Variants in IFT74 observed in about 807,000 individuals in gnomAD.
IFT74 encodes the protein intraflagellar transport protein 74 homolog.
A neutral mutation model predicts 96.7 loss-of-function variants in IFT74; 92 were observed. That is an observed-to-expected ratio of 0.95 (90% CI 0.80 to 1.13). IFT74 has a LOEUF of 1.13. Among genes scored for constraint, IFT74 ranks in the 50% most tolerant of loss-of-function variants. The pLI, the probability that IFT74 is intolerant of heterozygous loss-of-function variation, is 0.00. For missense variants in IFT74, 811 were observed against 698.2 expected, an observed-to-expected ratio of 1.16 and a Z score of -1.82; for synonymous variants, 223 against 213.2, an observed-to-expected ratio of 1.05 and a Z score of -0.40.
chr9:27,016,773 C>A (rs1829361849), intron 10 of IFT74, 134 bp from the exon 11 acceptor site: 2 of 584,386 alleles, frequency 3.4e-6, no homozygotes, highest in South Asian at 5.5e-5. Flanking sequence ...TTATTGAGTA[C>A]TAATGATATT....
intron 10 of IFT74, among the ~76,000 whole-genome samples, chr9:27,013,073 A>C (rs1385233711): frequency 1.3e-5 from 2 of 152,246 alleles, no homozygotes; most frequent in East Asian, 1.9e-4. Flanking sequence ...GACATTTATC[A>C]AGTGCTTACT....
rs140857287 is a variant in IFT74 at position 26,975,742 on chromosome 9, C to T, written c.121-2386C>T. The stretch of plus-strand genomic sequence containing the variant: ...ACTGAGGCTCTGAGGCTCAATCCCT[C>T]ATATTAGAGATTTCTTGCCTATCGA... On this transcript the variant is annotated intron_variant, in intron 2 of 19. Transcript: ENST00000380062. Among the ~76,000 whole-genome samples the T allele has an allele frequency of 2.0e-5, 3 of 152,302 alleles. No individual in the cohort carries two copies. The East Asian group carries it at 5.8e-4, about 29-fold the overall frequency.
intron 12 of IFT74, among the ~76,000 whole-genome samples, chr9:27,022,816 T>C (rs983318028): frequency 6.6e-6 from 1 of 152,088 alleles, no homozygotes; most frequent in African/African-American, 2.4e-5. Flanking sequence ...TACTTTTTTG[T>C]ATTTTTAGTA....
chr9:26,987,689 G>A (rs532204357), intron 6 of IFT74, among the ~76,000 whole-genome samples: 55 of 152,158 alleles, frequency 3.6e-4, no homozygotes, highest in Non-Finnish European at 6.3e-4. Flanking sequence ...TGGCTCTATC[G>A]CTTGCTAAAT....
rs1431667314 is a variant in IFT74, at chr9:26,967,978, A to C, written c.120+5891A>C. On this transcript the variant is annotated intron_variant, in intron 2 of 19. Transcript: ENST00000380062. ...ATCTTTTTAATGTGTTGTTTAATTC[A>C]GTTTGCTGGTACTTTGTTGAGGATT... 2.0e-5 allele frequency among the ~76,000 whole-genome samples: 3 copies of C among 151,630 alleles called. No homozygotes were observed. In the East Asian group the frequency reaches 5.8e-4, roughly 29 times the overall value.
intron 8 of IFT74, among the ~76,000 whole-genome samples, chr9:27,003,218 T>G (rs1444634969): frequency 6.6e-6 from 1 of 152,090 alleles, no homozygotes; most frequent in South Asian, 2.1e-4. Context: ...TTTTTTTTAA[T>G]TTTTTAAGTG....
At chr9:27,045,141 G>A (rs1819646760) in intron 14 of IFT74, among the ~76,000 whole-genome samples, 1 of 152,178 alleles carries the variant, frequency 6.6e-6, no homozygotes, top group African/African-American at 2.4e-5. Context: ...ACTGGCAAGC[G>A]AGCATTACCG....
intron 2 of IFT74, among the ~76,000 whole-genome samples, chr9:26,975,940 A>T (rs1317737665): frequency 1.3e-5 from 2 of 152,066 alleles, no homozygotes; most frequent in Non-Finnish European, 2.9e-5. Context: ...GACCGTGCAG[A>T]TAGGACCCAC....
chr9:26,968,066 CTTT>C (rs34008230), intron 2 of IFT74, among the ~76,000 whole-genome samples: 12 of 118,438 alleles, frequency 1.0e-4, no homozygotes, highest in East Asian at 2.2e-4. Flanking sequence ...TATGTCTTGT[CTTT>C]TTTTTTTTTT....
intron 8 of IFT74, among the ~76,000 whole-genome samples, chr9:26,998,776 G>A (rs1001448837): frequency 6.6e-6 from 1 of 151,312 alleles, no homozygotes; most frequent in African/African-American, 2.4e-5. Flanking sequence ...CTGAGGTCAG[G>A]AGTTCAAGAC....
At chr9:27,053,819 T>C (rs903093463) in intron 16 of IFT74, among the ~76,000 whole-genome samples, 1 of 152,218 alleles carries the variant, frequency 6.6e-6, no homozygotes, top group African/African-American at 2.4e-5. Context: ...TCAAAATATC[T>C]ACAGGCTAAA....
intron 16 of IFT74, among the ~76,000 whole-genome samples, chr9:27,052,623 A>G (rs1453558499): frequency 6.6e-6 from 1 of 151,988 alleles, no homozygotes; most frequent in Non-Finnish European, 1.5e-5. Context: ...ATAGTATGAT[A>G]AGGATTTTGC....
chr9:27,057,623 T>C (rs1450636947), intron 18 of IFT74, among the ~76,000 whole-genome samples: 2 of 152,080 alleles, frequency 1.3e-5, no homozygotes, highest in Non-Finnish European at 2.9e-5. Context: ...TTTGGGAGGC[T>C]GAGGTGGGCG....
At chr9:27,017,427 G>T (rs745349895) in intron 11 of IFT74, among the ~76,000 whole-genome samples, 12 of 151,956 alleles carry the variant, frequency 7.9e-5, no homozygotes, top group Non-Finnish European at 1.5e-4. Flanking sequence ...TTACTGTGTT[G>T]CCTGGGCTGG....
chr9:26,991,168 T>C (rs1827847997), intron 8 of IFT74, among the ~76,000 whole-genome samples: 1 of 152,224 alleles, frequency 6.6e-6, no homozygotes, highest in African/African-American at 2.4e-5. Context: ...TGTTAAAATA[T>C]ACTGATAAAA....
intron 12 of IFT74, among the ~76,000 whole-genome samples, chr9:27,026,363 G>C (rs1032129034): frequency 6.6e-6 from 1 of 152,100 alleles, no homozygotes; most frequent in Non-Finnish European, 1.5e-5. Context: ...AAATGAGATA[G>C]ACAGCAATAC....
chr9:27,043,405 T>A (rs1819557488), intron 13 of IFT74, among the ~76,000 whole-genome samples: 1 of 152,196 alleles, frequency 6.6e-6, no homozygotes, highest in African/African-American at 2.4e-5. Flanking sequence ...GCCAAGCAAG[T>A]ATATGCACAG....
In IFT74 at chr9:27,055,254, T is replaced by C. The variant is rs958361145; in HGVS notation, c.1334-355T>C. 3.9e-5 allele frequency among the ~76,000 whole-genome samples: 6 copies of C among 152,108 alleles called. No individual in the cohort carries two copies. In the South Asian group the frequency reaches 8.3e-4, roughly 21 times the overall value. ...ATATATATAATGTTTTATAACTTGG[T>C]TTTTTCCCTACATAACTGTGTCATG... On this transcript the variant is annotated intron_variant, in intron 16 of 19. Coordinates refer to ENST00000380062, the MANE Select transcript of IFT74 (RefSeq NM_025103.4).
At chr9:27,022,104 A>G (rs1184515467) in intron 12 of IFT74, among the ~76,000 whole-genome samples, 1 of 151,398 alleles carries the variant, frequency 6.6e-6, no homozygotes, top group Non-Finnish European at 1.5e-5. Flanking sequence ...TCCCCACCTT[A>G]TGTTTTTTTT....
Sources: allele counts gnomAD v4.1 joint callset (sites outside exome capture counted in the v4.1 genomes callset), GRCh38; gene constraint gnomAD v4.1.1; transcripts MANE v1.5; gene names NCBI Gene and HGNC (gene_info 2026-07-23, HGNC 2026-07-21).